The following USP31 variants were observed in gnomAD, a reference collection of about 807,000 sequenced individuals.
USP31 encodes the protein ubiquitin carboxyl-terminal hydrolase 31.
In USP31, 44 loss-of-function variants were observed where a neutral mutation model predicts 119.4. The ratio of observed to expected loss-of-function variants is 0.37; its 90% CI spans 0.29 to 0.47. The LOEUF (loss-of-function observed/expected upper bound fraction) is 0.47, where lower values mean the gene tolerates loss of function less well. Among genes scored for constraint, USP31 ranks in the 20% least tolerant of loss-of-function variants. USP31 has a pLI of 0.99. For missense variants in USP31, 1,643 were observed against 1,730.2 expected (o/e 0.95, Z 0.89); for synonymous variants, 749 against 705.6 (o/e 1.06, Z -0.97).
At chr16:23,085,178 A>G (rs1020073001) in intron 10 of USP31, among the ~76,000 whole-genome samples, 189 bp from the exon 11 acceptor site, 2 of 152,256 alleles carry the variant, frequency 1.3e-5, no homozygotes, top group Non-Finnish European at 2.9e-5. Context: ...CTCTGTATAC[A>G]AAGTTATTTC....
intron 15 of USP31, among the ~76,000 whole-genome samples, chr16:23,071,514 C>G (rs1900342732): frequency 6.6e-6 from 1 of 151,174 alleles, no homozygotes; most frequent in Non-Finnish European, 1.5e-5. Context: ...GGACTTTTTA[C>G]TATCTCTATG....
intron 1 of USP31, among the ~76,000 whole-genome samples, chr16:23,135,825 A>G (rs1903171929): frequency 6.6e-6 from 1 of 152,220 alleles, no homozygotes; most frequent in Non-Finnish European, 1.5e-5. Flanking sequence ...AGAAATAGAA[A>G]AGTCCATCCT....
intron 6 of USP31, among the ~76,000 whole-genome samples, chr16:23,095,440 G>A (rs1901561313): frequency 6.6e-6 from 1 of 152,174 alleles, no homozygotes; most frequent in Admixed American, 6.5e-5. Flanking sequence ...TATTAACCAG[G>A]AGAACTTCCC....
At chr16:23,113,160 T>G (rs1364901712) in intron 1 of USP31, among the ~76,000 whole-genome samples, 3 of 152,018 alleles carry the variant, frequency 2.0e-5, no homozygotes, top group Admixed American at 2.0e-4. Context: ...GACACCAAGG[T>G]CTCCCATTTC....
chr16:23,070,902 C>A (rs1243711407), intron 15 of USP31, among the ~76,000 whole-genome samples: 2 of 152,138 alleles, frequency 1.3e-5, no homozygotes, highest in Non-Finnish European at 2.9e-5. Flanking sequence ...CACCATTATA[C>A]AATGATGATG....
intron 6 of USP31, among the ~76,000 whole-genome samples, chr16:23,092,874 A>G (rs895591891): frequency 6.6e-6 from 1 of 152,170 alleles, no homozygotes; most frequent in South Asian, 2.1e-4. Flanking sequence ...AGTAGAGGGT[A>G]AAGTAAAAGA....
At chr16:23,094,874 G>A (rs1901533295) in intron 6 of USP31, among the ~76,000 whole-genome samples, 5 of 152,162 alleles carry the variant, frequency 3.3e-5, no homozygotes, top group Admixed American at 6.5e-5. Context: ...AAGATCAAAG[G>A]TAGATAAAAC....
At chr16:23,090,886 G>A in intron 6 of USP31, 82 bp from the exon 7 acceptor site, 1 of 1,306,392 alleles carries the variant, frequency 7.7e-7, no homozygotes, top group Non-Finnish European at 1.0e-6. Flanking sequence ...ACCCAACAGA[G>A]AAAATTTTTT....
intron 1 of USP31, among the ~76,000 whole-genome samples, chr16:23,132,874 C>A (rs770360909): frequency 3.9e-5 from 6 of 152,126 alleles, no homozygotes; most frequent in Non-Finnish European, 8.8e-5. Context: ...AAAACCTCTA[C>A]GTTATTTTCA....
intron 13 of USP31, among the ~76,000 whole-genome samples, chr16:23,078,283 G>A (rs1489453534): frequency 7.1e-6 from 1 of 141,156 alleles, no homozygotes; most frequent in Non-Finnish European, 1.5e-5. Flanking sequence ...CCACACTCCA[G>A]CCTGGTGAGA....
rs1467653975 is a variant in USP31 at position 23,069,141 on chromosome 16, C to G, written c.2964G>C (p.Gln988His). 8 of 1,613,816 alleles carry G rather than the reference C, an allele frequency of 5.0e-6. No homozygotes were observed. The highest frequency in any genetic ancestry group is 6.8e-6 in the Non-Finnish European group (8 of 1,180,044). ...AGTCGCTCTGATCCACATAAGCGAT[C>G]TGATTATTGTTATCAAATGGACCAG... ...PLSGPFDNNN[Q>H]IAYVDQSDSV... Residue 988 changes from glutamine to histidine, a missense_variant, in exon 16 of 16, where the codon CAG (glutamine) becomes CAC (histidine). By Grantham distance (24) the Gln-to-His change is conservative. Coordinates refer to ENST00000219689, the MANE Select transcript of USP31 (RefSeq NM_020718.4).
chr16:23,099,620 T>C (rs957886627), intron 6 of USP31, among the ~76,000 whole-genome samples: 1 of 152,192 alleles, frequency 6.6e-6, no homozygotes, highest in Non-Finnish European at 1.5e-5. Flanking sequence ...TTTATGACTT[T>C]GGATTTGATA....
rs116889058 is a variant in USP31, at chr16:23,143,989, A to G, written c.633+4649T>C. Among the ~76,000 whole-genome samples the G allele has an allele frequency of 2.0e-5, 3 of 152,144 alleles. No homozygotes were observed. In the East Asian group the frequency reaches 5.8e-4, roughly 29 times the overall value. Reference sequence around the variant, plus strand: ...ATCTGTGTGAAAAGAGAAAGGATAAAGGTAATGGCTAGAGACATTTTTTAC... The same window carrying G: ...ATCTGTGTGAAAAGAGAAAGGATAAGGGTAATGGCTAGAGACATTTTTTAC... On this transcript the variant is annotated intron_variant, in intron 1 of 15. Coordinates refer to ENST00000219689, the MANE Select transcript of USP31 (RefSeq NM_020718.4).
intron 6 of USP31, among the ~76,000 whole-genome samples, chr16:23,092,562 T>C (rs1901413835): frequency 6.6e-6 from 1 of 151,968 alleles, no homozygotes; most frequent in African/African-American, 2.4e-5. Flanking sequence ...AGCCTGCAGG[T>C]AAAGGGAGTG....
At position 23,067,531 on chromosome 16, in the gene USP31, A is replaced by G. The variant is rs1362550648; in HGVS notation, c.*515T>C. 6.5e-6 allele frequency: 1 copy of G among 154,502 alleles called. No homozygotes were observed. The highest frequency in any genetic ancestry group is 1.4e-5 in the Non-Finnish European group (1 of 69,356). The allele number at this position is 154,502 out of a possible 1,614,324, so 9.6% of individuals were successfully genotyped here. On this transcript the variant is annotated 3_prime_UTR_variant, in exon 16 of 16. Transcript: ENST00000219689. The stretch of plus-strand genomic sequence containing the variant: ...TTACAAAGACTGGTAGATGGGGCGA[A>G]AGTGCAGAAAGCAAGAGTTTTTCCC...
chr16:23,068,816 T>G lies in USP31; in HGVS notation c.3289A>C (p.Lys1097Gln). 6.4e-7 allele frequency: 1 copy of G among 1,555,748 alleles called. No individual in the cohort carries two copies. Among genetic ancestry groups the G allele is most frequent in the Non-Finnish European group, 8.7e-7 (1 of 1,154,764 alleles). The change falls in exon 16 of 16, where the codon AAG (lysine) becomes CAG (glutamine). Residue 1097 changes from lysine (K) to glutamine (Q), a missense_variant. Lys to Gln is a moderately conservative substitution (Grantham distance 53). Around this residue, in one of 5 missense-constraint regions of USP31, gnomAD observed 699 missense variants for 650.9 expected, o/e 1.07. Transcript: ENST00000219689. ...TCCTGAGATTTCGGGGATGACTCCT[T>G]TTTGGGTTGGGCAGGGGCAGGGGAT... Reference protein sequence around the residue: ...HSSPAPAQPKKESSPKSQDSV... With the variant: ...HSSPAPAQPKQESSPKSQDSV...
At chr16:23,138,048 C>T (rs562353453) in intron 1 of USP31, among the ~76,000 whole-genome samples, 69 of 152,160 alleles carry the variant, frequency 4.5e-4, no homozygotes, top group Non-Finnish European at 9.0e-4. Flanking sequence ...CTTAGGGCAA[C>T]GTGTTCCAGA....
intron 1 of USP31, among the ~76,000 whole-genome samples, chr16:23,127,207 T>C (rs1475757428): frequency 6.6e-6 from 1 of 151,802 alleles, no homozygotes; most frequent in Non-Finnish European, 1.5e-5. Context: ...GCAGGATGAT[T>C]GCTTGAGCCC....
At chr16:23,103,768 A>T (rs186352897) in intron 5 of USP31, among the ~76,000 whole-genome samples, 1 of 152,238 alleles carries the variant, frequency 6.6e-6, no homozygotes, top group Non-Finnish European at 1.5e-5. Flanking sequence ...TACAAAAATC[A>T]GCTGGGTGTG....
Sources: allele counts gnomAD v4.1 joint callset (sites outside exome capture counted in the v4.1 genomes callset), GRCh38; gene constraint gnomAD v4.1.1; regional missense constraint gnomAD v4.1.1; transcripts MANE v1.5; gene names NCBI Gene and HGNC (gene_info 2026-07-23, HGNC 2026-07-21).